The following CEP112 variants were observed in gnomAD, a reference collection of about 807,000 sequenced individuals.
CEP112 encodes the protein centrosomal protein of 112 kDa.
CEP112 carries 127 observed loss-of-function variants against 153.0 expected under a neutral mutation model. That is an observed-to-expected ratio of 0.83 (90% CI 0.72 to 0.96). The LOEUF is 0.96. Ranked by LOEUF, CEP112 falls within the 40% of genes least tolerant of loss-of-function variation. CEP112 has a pLI of 0.00. For missense variants in CEP112, 1,089 were observed against 1,101.2 expected (o/e 0.99, Z 0.16); for synonymous variants, 358 against 374.4 (o/e 0.96, Z 0.51).
At chr17:66,132,566 T>C (rs1431674484) in intron 5 of CEP112, 104 bp downstream of exon 5, 3 of 804,144 alleles carry the variant, frequency 3.7e-6, no homozygotes, top group Non-Finnish European at 6.2e-6. Flanking sequence ...AACTTTATTC[T>C]GTTTTGAAGC....
intron 18 of CEP112, among the ~76,000 whole-genome samples, chr17:65,931,256 A>G (rs558604572): frequency 6.6e-6 from 1 of 152,346 alleles, no homozygotes; most frequent in Admixed American, 6.5e-5. Context: ...TTCACAGACA[A>G]GAAAACCTTC....
intron 8 of CEP112, among the ~76,000 whole-genome samples, chr17:66,084,615 C>T (rs547233957): frequency 6.6e-6 from 1 of 151,868 alleles, no homozygotes; most frequent in Non-Finnish European, 1.5e-5. Flanking sequence ...AAATTAAAAA[C>T]AATTGAACTC....
intron 17 of CEP112, among the ~76,000 whole-genome samples, chr17:65,962,797 C>T (rs540833573): frequency 2.6e-5 from 4 of 152,228 alleles, no homozygotes; most frequent in Middle Eastern, 3.4e-3. Flanking sequence ...TTTTGCCTGC[C>T]GCCATCCATG....
chr17:65,891,827 G>T (rs2059477703), intron 20 of CEP112, among the ~76,000 whole-genome samples: 1 of 152,104 alleles, frequency 6.6e-6, no homozygotes, highest in Non-Finnish European at 1.5e-5. Context: ...TTTTCCTACA[G>T]GGTCTCTGCA....
intron 17 of CEP112, among the ~76,000 whole-genome samples, chr17:65,997,567 G>A (rs1161923293): frequency 1.3e-5 from 2 of 152,124 alleles, no homozygotes; most frequent in Non-Finnish European, 2.9e-5. Flanking sequence ...AAAAATATAT[G>A]TAAAACATAA....
chr17:65,966,660 G>A (rs567717554), intron 17 of CEP112, among the ~76,000 whole-genome samples: 3 of 152,294 alleles, frequency 2.0e-5, no homozygotes, highest in South Asian at 4.1e-4. Context: ...TACTTAAACT[G>A]ATTAAATTGA....
chr17:66,131,601 T>C (rs2070168454), intron 5 of CEP112, among the ~76,000 whole-genome samples: 1 of 151,694 alleles, frequency 6.6e-6, no homozygotes, highest in East Asian at 2.0e-4. Context: ...ATTAGCCAGG[T>C]GTGGCGGCAG....
At chr17:65,849,624 G>T (rs1185639758) in intron 21 of CEP112, among the ~76,000 whole-genome samples, 1 of 152,162 alleles carries the variant, frequency 6.6e-6, no homozygotes, top group African/African-American at 2.4e-5. Context: ...GGCCTAAATT[G>T]GATGTGTTAT....
intron 18 of CEP112, among the ~76,000 whole-genome samples, chr17:65,943,874 C>T (rs1159856621): frequency 2.6e-5 from 4 of 152,194 alleles, no homozygotes; most frequent in African/African-American, 7.2e-5. Flanking sequence ...GGTCTTTTTA[C>T]ATAATCTGAT....
intron 6 of CEP112, among the ~76,000 whole-genome samples, chr17:66,123,437 CAG>C (rs1568517124): frequency 6.6e-6 from 1 of 152,192 alleles, no homozygotes; most frequent in Non-Finnish European, 1.5e-5. Flanking sequence ...GGAGAAGGAA[CAG>C]GGGAAAAGTG....
rs1454489762 is a variant in CEP112, at chr17:66,191,093, C to T, written c.-9+904G>A. On this transcript the variant is annotated intron_variant, in intron 1 of 26. Coordinates refer to ENST00000535342, the MANE Select transcript of CEP112 (RefSeq NM_001199165.4). The surrounding 1 kb of genome is among the most constrained non-coding windows in gnomAD (Gnocchi z 4.2). ...CAGTGTGTGCTTTAGAAACAAATCT[C>T]AGTTTATTCTCTGGCCCGGCCCTAC... Among the ~76,000 whole-genome samples, 1 of 152,198 alleles carries T rather than the reference C, an allele frequency of 6.6e-6. No individual in the cohort carries two copies. The highest frequency in any genetic ancestry group is 2.4e-5 in the African/African-American group (1 of 41,462).
At chr17:66,104,979 A>ACT (rs1447736530) in intron 6 of CEP112, among the ~76,000 whole-genome samples, 3 of 152,234 alleles carry the variant, frequency 2.0e-5, no homozygotes, top group African/African-American at 7.2e-5. Context: ...TATACTTAGT[A>ACT]AAGTAAGTAT....
intron 21 of CEP112, among the ~76,000 whole-genome samples, chr17:65,759,828 C>T (rs9915838): frequency 0.026 from 3,996 of 152,194 alleles, 110 homozygotes; most frequent in African/African-American, 0.064. Context: ...AAATCTCATA[C>T]ATACAGATGG....
rs543708594 is a variant in CEP112, at chr17:65,992,925, T to C, written c.1736+12765A>G. On this transcript the variant is annotated intron_variant, in intron 17 of 26. Coordinates refer to ENST00000535342, the MANE Select transcript of CEP112 (RefSeq NM_001199165.4). ...TAATTCTTCCCACATATGTGTATTC[T>C]TTTTTGTTTTTTATTTTTACTTTTA... Among the ~76,000 whole-genome samples the C allele has an allele frequency of 1.8e-4, 19 of 102,842 alleles. No individual in the cohort carries two copies. The South Asian group carries it at 4.2e-3, about 23-fold the overall frequency. 67.5% of individuals were successfully genotyped at this position (102,842 alleles called of 152,430 possible).
chr17:65,946,728 T>G (rs143487635), intron 18 of CEP112, among the ~76,000 whole-genome samples: 1 of 152,254 alleles, frequency 6.6e-6, no homozygotes, highest in Non-Finnish European at 1.5e-5. Flanking sequence ...TTTAAAATTT[T>G]TTTTATTTTT....
At chr17:65,900,475 T>C (rs1411950086) in intron 20 of CEP112, among the ~76,000 whole-genome samples, 1 of 152,174 alleles carries the variant, frequency 6.6e-6, no homozygotes, top group African/African-American at 2.4e-5. Context: ...TTTGTTATGA[T>C]TGGATGAACC....
chr17:66,081,629 GC>G (rs1170179850), intron 8 of CEP112, among the ~76,000 whole-genome samples: 1 of 148,850 alleles, frequency 6.7e-6, no homozygotes, highest in Non-Finnish European at 1.5e-5. Context: ...AAAAAAAAAG[GC>G]CTAATTCCAA....
intron 19 of CEP112, among the ~76,000 whole-genome samples, chr17:65,911,821 C>T (rs538069441): frequency 5.9e-5 from 9 of 152,098 alleles, no homozygotes; most frequent in African/African-American, 1.7e-4. Flanking sequence ...TCTACTTATC[C>T]TTCTATTTAT....
chr17:65,841,557 G>T (rs983829135), intron 21 of CEP112, among the ~76,000 whole-genome samples: 5 of 151,906 alleles, frequency 3.3e-5, no homozygotes, highest in Non-Finnish European at 1.5e-5. Flanking sequence ...ACAGTTAAAC[G>T]TAAGGAAGAA....
Sources: gnomAD v4.1 joint callset for allele counts (sites outside exome capture counted in the v4.1 genomes callset) on GRCh38, gnomAD v4.1.1 for gene constraint, Gnocchi (gnomAD v3.1) non-coding constraint, MANE v1.5 for transcripts, NCBI Gene and HGNC (gene_info 2026-07-23, HGNC 2026-07-21) for gene names.